The following RBFOX3 variants were observed in gnomAD, a reference collection of about 807,000 sequenced individuals.
RBFOX3 encodes RNA binding fox-1 homolog 3.
Under a neutral mutation model 48.7 loss-of-function variants are expected in RBFOX3, and 17 were observed. The ratio of observed to expected loss-of-function variants is 0.35; its 90% CI spans 0.24 to 0.52. The LOEUF is 0.52. RBFOX3 is among the 20% of genes least tolerant of loss of function. RBFOX3 has a pLI of 0.94. For missense variants in RBFOX3, 382 were observed against 497.5 expected (o/e 0.77, Z 2.21); for synonymous variants, 212 against 209.5 (o/e 1.01, Z -0.10).
rs77149013 is a variant in RBFOX3 at position 79,242,735 on chromosome 17, G to T, written c.-73-6930C>A. On this transcript the variant is annotated intron_variant, in intron 3 of 14. Transcript: ENST00000693108. The surrounding 1 kb of genome is among the most constrained non-coding windows in gnomAD (Gnocchi z 5.8). ...GTTCTGAGCACACTGCCCATACTTA[G>T]GTCTGTGGGAAGGGCCACCCCCTTA... Among the ~76,000 whole-genome samples, 305 of 152,238 alleles carry T rather than the reference G, an allele frequency of 2.0e-3. 1 individual carries two copies. The highest frequency in any genetic ancestry group is 6.2e-3 in the African/African-American group (259 of 41,552).
At chr17:79,170,328 G>T (rs914038819) in intron 4 of RBFOX3, among the ~76,000 whole-genome samples, 1 of 152,114 alleles carries the variant, frequency 6.6e-6, no homozygotes, top group African/African-American at 2.4e-5. Flanking sequence ...CCTGCCAAAC[G>T]GGCCAGAGGG....
At chr17:79,374,336 G>A (rs966464946) in intron 2 of RBFOX3, among the ~76,000 whole-genome samples, 8 of 152,206 alleles carry the variant, frequency 5.3e-5, no homozygotes, top group African/African-American at 1.9e-4. Flanking sequence ...CGAGGGGGCT[G>A]GTGTGTGGGT....
chr17:79,293,563 C>T (rs2073817816), intron 3 of RBFOX3, among the ~76,000 whole-genome samples: 2 of 151,942 alleles, frequency 1.3e-5, no homozygotes, highest in Admixed American at 1.3e-4. Context: ...AGTGATTCTC[C>T]TGCCTCAGCC....
chr17:79,464,600 T>C (rs112074165), intron 2 of RBFOX3, among the ~76,000 whole-genome samples: 1 of 152,252 alleles, frequency 6.6e-6, no homozygotes, highest in African/African-American at 2.4e-5. Context: ...GGGAGGCAAC[T>C]CTTTTTATAG....
intron 4 of RBFOX3, among the ~76,000 whole-genome samples, chr17:79,173,518 T>C (rs927168739): frequency 6.6e-6 from 1 of 152,184 alleles, no homozygotes; most frequent in African/African-American, 2.4e-5. Context: ...CTGCAGACTT[T>C]TGAAGATGAT....
chr17:79,608,891 G>A (rs960238703), intron 1 of RBFOX3, among the ~76,000 whole-genome samples: 3 of 152,048 alleles, frequency 2.0e-5, no homozygotes, highest in Non-Finnish European at 4.4e-5. Flanking sequence ...GAAGGAAGGC[G>A]CGCCGGGATG....
In RBFOX3 at chr17:79,463,615, C is replaced by T. The variant is rs1308753572; in HGVS notation, c.-175+18839G>A. Among the ~76,000 whole-genome samples the T allele has an allele frequency of 5.9e-3, 851 of 145,322 alleles. 7 individuals carry two copies. The highest frequency in any genetic ancestry group is 0.021 in the African/African-American group (809 of 38,328). On this transcript the variant is annotated intron_variant, in intron 2 of 14. Transcript: ENST00000693108. ...CCTCCACCACCATCGCCACCTCCAC[C>T]GCCATCGCCACCGCCACTGCCACCG...
At chr17:79,548,463 G>A (rs550070383) in intron 1 of RBFOX3, among the ~76,000 whole-genome samples, 116 of 152,340 alleles carry the variant, frequency 7.6e-4, no homozygotes, top group African/African-American at 2.2e-3. Context: ...CCCGTGGCAC[G>A]GCTGCCACCA....
chr17:79,404,817 C>G (rs1203954542), intron 2 of RBFOX3, among the ~76,000 whole-genome samples: 1 of 152,228 alleles, frequency 6.6e-6, no homozygotes, highest in Non-Finnish European at 1.5e-5. Flanking sequence ...CCTTCCTACC[C>G]CACACCAAGT....
Position 79,512,549 on chromosome 17 carries a change from CCCA to C in RBFOX3, c.-319-29954_-319-29952del, listed in dbSNP as rs2084498919. On this transcript the variant is annotated intron_variant, in intron 1 of 14. Transcript: ENST00000693108. ...GATACATGTTACCATCGGGTACAGCCCCATGGCCAGGGGACACCCACCCAGATA... is the reference window on the plus strand; with the variant it reads ...GATACATGTTACCATCGGGTACAGCCTGGCCAGGGGACACCCACCCAGATA... Among the ~76,000 whole-genome samples, 11 of 150,220 alleles carry C rather than the reference CCCA, an allele frequency of 7.3e-5. 1 individual carries two copies. The highest frequency in any genetic ancestry group is 2.0e-4 in the African/African-American group (8 of 40,854).
the RBFOX3 span, among the ~76,000 whole-genome samples, chr17:79,656,895 G>GGATGGAA: frequency 1.7e-5 from 2 of 116,416 alleles, no homozygotes; most frequent in South Asian, 5.9e-4. Context: ...GAAGGAAGGA[G>GGATGGAA]GGAAGGAAGG....
chr17:79,251,360 C>T (rs754694388), intron 3 of RBFOX3, among the ~76,000 whole-genome samples: 22 of 152,176 alleles, frequency 1.4e-4, no homozygotes, highest in Non-Finnish European at 1.0e-4. Flanking sequence ...CCTCCTCTAC[C>T]GCTGCCCCTC....
At chr17:79,259,891 C>T (rs553348451) in intron 3 of RBFOX3, among the ~76,000 whole-genome samples, 41 of 152,230 alleles carry the variant, frequency 2.7e-4, no homozygotes, top group African/African-American at 9.9e-4. Flanking sequence ...CCCTCTTTTG[C>T]AGATGAGGAA....
At chr17:79,133,874 C>T (rs907391590) in intron 4 of RBFOX3, among the ~76,000 whole-genome samples, 16 of 152,190 alleles carry the variant, frequency 1.1e-4, no homozygotes, top group Non-Finnish European at 2.1e-4. Flanking sequence ...CTGTGAATAT[C>T]GGAGCAGCCC....
intron 1 of RBFOX3, chr17:79,601,781 T>A (rs1020571826): frequency 1.3e-5 from 2 of 152,188 alleles, no homozygotes; most frequent in African/African-American, 4.8e-5. Flanking sequence ...GATACTGTTA[T>A]CAGTGATCTG....
chr17:79,211,210 T>C (rs940826201), intron 4 of RBFOX3, among the ~76,000 whole-genome samples: 4 of 152,196 alleles, frequency 2.6e-5, no homozygotes, highest in South Asian at 2.1e-4. Context: ...CACGGCCCGA[T>C]GCGGGCTGGT....
At chr17:79,549,334 G>A (rs1266581624) in intron 1 of RBFOX3, among the ~76,000 whole-genome samples, 1 of 152,232 alleles carries the variant, frequency 6.6e-6, no homozygotes, top group African/African-American at 2.4e-5. Flanking sequence ...CCACTCCTCT[G>A]GGGCTCATCC....
At chr17:79,138,914 GCACACGCACACAGCACA>G (rs2041212059) in intron 4 of RBFOX3, among the ~76,000 whole-genome samples, 1 of 29,120 alleles carries the variant, frequency 3.4e-5, no homozygotes, top group South Asian at 1.4e-3. Flanking sequence ...ACCCTCACCC[GCACACGCACACAGCACA>G]TGCATTCACA....
In RBFOX3 at chr17:79,536,438, T is replaced by A. The variant is rs567167623; in HGVS notation, c.-319-53840A>T. Among the ~76,000 whole-genome samples, 17 of 152,334 alleles carry A rather than the reference T, an allele frequency of 1.1e-4. 1 individual carries two copies. In the South Asian group the frequency reaches 3.5e-3, roughly 32 times the overall value. On this transcript the variant is annotated intron_variant, in intron 1 of 14. Transcript: ENST00000693108. ...TGCCCTGCACAGGCCTGGTTATGTG[T>A]GTTCCAGTAAAATACAGCACCATGG... is the stretch of plus-strand genomic sequence containing the variant.
Sources: allele counts gnomAD v4.1 joint callset (sites outside exome capture counted in the v4.1 genomes callset), GRCh38; gene constraint gnomAD v4.1.1; non-coding constraint Gnocchi (gnomAD v3.1); transcripts MANE v1.5; gene names NCBI Gene and HGNC (gene_info 2026-07-23, HGNC 2026-07-21).